The following DIAPH3 variants were observed in gnomAD, a reference collection of about 807,000 sequenced individuals.
DIAPH3 encodes protein diaphanous homolog 3.
A neutral mutation model predicts 144.3 loss-of-function variants in DIAPH3; 117 were observed. The ratio of observed to expected loss-of-function variants is 0.81; its 90% CI spans 0.70 to 0.95. The LOEUF (loss-of-function observed/expected upper bound fraction) is 0.95, where lower values mean the gene tolerates loss of function less well. Among genes scored for constraint, DIAPH3 ranks in the 40% least tolerant of loss-of-function variants. The pLI is 0.00. For missense variants in DIAPH3, 1,421 were observed against 1,412.7 expected, an observed-to-expected ratio of 1.01 and a Z score of -0.09; for synonymous variants, 519 against 488.9, an observed-to-expected ratio of 1.06 and a Z score of -0.81.
At chr13:60,076,991 G>A (rs1195622858) in intron 4 of DIAPH3, among the ~76,000 whole-genome samples, 1 of 151,930 alleles carries the variant, frequency 6.6e-6, no homozygotes, top group Admixed American at 6.6e-5. Context: ...ACAAAACAAA[G>A]CAATAAAATA....
rs779882414 is a variant in DIAPH3 at position 59,980,834 on chromosome 13, T to C, written c.1506A>G (p.Leu502=). 3.1e-6 allele frequency: 5 copies of C among 1,609,456 alleles called. No homozygotes were observed. The highest frequency in any genetic ancestry group is 2.7e-5 in the African/African-American group (2 of 74,656). The change falls in exon 14 of 28, where the codon CTA becomes CTG. Residue 502 remains leucine, a synonymous_variant. Coordinates refer to ENST00000400324, the MANE Select transcript of DIAPH3 (RefSeq NM_001042517.2). ...FVDICIDQAK[L]EEFEEKASEL... is the part of the protein sequence containing the mutation. ...CTGATGCTTTCTCTTCAAACTCTTC[T>C]AGTTTTGCTTGATCTATGCAAATGT...
intron 5 of DIAPH3, among the ~76,000 whole-genome samples, chr13:60,029,279 C>T (rs767959548): frequency 6.6e-6 from 1 of 152,102 alleles, no homozygotes; most frequent in Non-Finnish European, 1.5e-5. Context: ...CACCCCTTGG[C>T]CCACCACTGC....
chr13:59,864,612 T>G (rs2043806499), intron 21 of DIAPH3, among the ~76,000 whole-genome samples: 1 of 152,100 alleles, frequency 6.6e-6, no homozygotes, highest in Non-Finnish European at 1.5e-5. Flanking sequence ...ACTGGATTGC[T>G]CTTGGTCTTT....
chr13:59,730,571 AAAC>A (rs1166357895), intron 27 of DIAPH3, among the ~76,000 whole-genome samples: 1 of 152,220 alleles, frequency 6.6e-6, no homozygotes, highest in African/African-American at 2.4e-5. Flanking sequence ...ATAACTTAAA[AAAC>A]AACAACAGGA....
intron 25 of DIAPH3, among the ~76,000 whole-genome samples, chr13:59,805,177 C>T (rs2040129481): frequency 6.6e-6 from 1 of 151,970 alleles, no homozygotes; most frequent in East Asian, 1.9e-4. Flanking sequence ...TAAATAAGCT[C>T]TTATTTACTT....
chr13:60,049,627 T>G (rs2056242269), intron 4 of DIAPH3, among the ~76,000 whole-genome samples: 1 of 152,240 alleles, frequency 6.6e-6, no homozygotes, highest in Non-Finnish European at 1.5e-5. Context: ...GGATTCATTT[T>G]TCATAACTCT....
intron 25 of DIAPH3, among the ~76,000 whole-genome samples, chr13:59,795,741 C>G (rs2039567691): frequency 6.6e-6 from 1 of 152,124 alleles, no homozygotes; most frequent in Non-Finnish European, 1.5e-5. Context: ...GCGTGAAACA[C>G]TGCGCCTGGC....
chr13:59,925,959 C>G (rs556829473), intron 17 of DIAPH3, among the ~76,000 whole-genome samples: 82 of 151,928 alleles, frequency 5.4e-4, no homozygotes, highest in Non-Finnish European at 1.0e-3. Flanking sequence ...AATAAAACAA[C>G]TTTTCATTTG....
chr13:59,895,740 T>G (rs1290335367), intron 20 of DIAPH3, among the ~76,000 whole-genome samples: 1 of 152,168 alleles, frequency 6.6e-6, no homozygotes, highest in South Asian at 2.1e-4. Flanking sequence ...GTTTCCCTGT[T>G]AAGCTGAGGA....
intron 4 of DIAPH3, among the ~76,000 whole-genome samples, chr13:60,059,234 GA>G (rs1446574140): frequency 1.3e-5 from 2 of 151,778 alleles, no homozygotes; most frequent in African/African-American, 4.8e-5. Flanking sequence ...TTGAAGAGGA[GA>G]AAGGGTAGTG....
intron 17 of DIAPH3, among the ~76,000 whole-genome samples, chr13:59,966,432 G>T (rs1054058110): frequency 9.2e-5 from 14 of 152,026 alleles, no homozygotes; most frequent in Admixed American, 3.9e-4. Context: ...AAAGATCTCA[G>T]CTGAGATACA....
At chr13:59,672,843 T>C (rs1441630211) in intron 27 of DIAPH3, among the ~76,000 whole-genome samples, 1 of 152,176 alleles carries the variant, frequency 6.6e-6, no homozygotes, top group Non-Finnish European at 1.5e-5. Context: ...TTAAAACAAA[T>C]TATGTAAAAA....
chr13:59,982,900 G>C (rs1027296379), intron 13 of DIAPH3, among the ~76,000 whole-genome samples: 1 of 151,488 alleles, frequency 6.6e-6, no homozygotes. Context: ...AATAACACCA[G>C]TGACATCAGG....
At chr13:59,957,324 G>T (rs2049469149) in intron 17 of DIAPH3, among the ~76,000 whole-genome samples, 1 of 152,118 alleles carries the variant, frequency 6.6e-6, no homozygotes, top group Non-Finnish European at 1.5e-5. Context: ...ATGGGGGTGG[G>T]TTTTTCCCAT....
intron 2 of DIAPH3, among the ~76,000 whole-genome samples, chr13:60,132,275 T>C (rs888772187): frequency 9.2e-5 from 14 of 152,192 alleles, no homozygotes; most frequent in Non-Finnish European, 1.9e-4. Context: ...ATGCTTCATA[T>C]ATGGTGAAGT....
chr13:59,971,489 T>A (rs1277518892), intron 15 of DIAPH3, among the ~76,000 whole-genome samples: 1 of 152,140 alleles, frequency 6.6e-6, no homozygotes, highest in Non-Finnish European at 1.5e-5. Context: ...TGGAGAACAG[T>A]TGAAGCCAGG....
At chr13:59,755,094 TGCTCATACA>T (rs1227639045) in intron 27 of DIAPH3, among the ~76,000 whole-genome samples, 1 of 152,196 alleles carries the variant, frequency 6.6e-6, no homozygotes, top group Non-Finnish European at 1.5e-5. Context: ...TGTTCTGTAT[TGCTCATACA>T]GCTTATGTTA....
At chr13:60,067,031 C>G (rs1317875962) in intron 4 of DIAPH3, among the ~76,000 whole-genome samples, 1 of 152,134 alleles carries the variant, frequency 6.6e-6, no homozygotes, top group Non-Finnish European at 1.5e-5. Context: ...ATAATCCCAG[C>G]ACTTTGGGAG....
chr13:60,012,227 G>A (rs2053317176), intron 7 of DIAPH3, among the ~76,000 whole-genome samples: 1 of 152,088 alleles, frequency 6.6e-6, no homozygotes, highest in Non-Finnish European at 1.5e-5. Context: ...CTTGTACTGG[G>A]CTGAAATACT....
Sources: gnomAD v4.1 joint callset for allele counts (sites outside exome capture counted in the v4.1 genomes callset) on GRCh38, gnomAD v4.1.1 for gene constraint, MANE v1.5 for transcripts, NCBI Gene and HGNC (gene_info 2026-07-23, HGNC 2026-07-21) for gene names.